CSPG4: variants seen among roughly 807,000 people sequenced by gnomAD.
CSPG4 encodes chondroitin sulfate proteoglycan 4 (melanoma-associated).
A neutral mutation model predicts 139.3 loss-of-function variants in CSPG4; 74 were observed. The ratio of observed to expected loss-of-function variants is 0.53; its 90% CI spans 0.44 to 0.64. The LOEUF (loss-of-function observed/expected upper bound fraction) is 0.64, where lower values mean the gene tolerates loss of function less well. Ranked by LOEUF, CSPG4 falls within the 30% of genes least tolerant of loss-of-function variation. CSPG4 has a pLI of 0.00. For missense variants in CSPG4, 2,565 were observed against 3,148.3 expected, an observed-to-expected ratio of 0.81 and a Z score of 4.43; for synonymous variants, 1,234 against 1,394.2, an observed-to-expected ratio of 0.89 and a Z score of 2.56.
chr15:75,701,824 C>T (rs943927641), intron 1 of CSPG4, among the ~76,000 whole-genome samples: 1 of 152,210 alleles, frequency 6.6e-6, no homozygotes, highest in African/African-American at 2.4e-5. Flanking sequence ...CTACAGCTGG[C>T]TCGCCAGCCC....
intron 8 of CSPG4, chr15:75,680,481 G>A (rs181738572): frequency 1.8e-4 from 27 of 152,402 alleles, no homozygotes; most frequent in Admixed American, 5.9e-4. Flanking sequence ...AAATAAACAC[G>A]TCTGTGGGCC....
Position 75,687,650 on chromosome 15 carries a change from G to A in CSPG4, c.3415C>T (p.Gln1139Ter). Reference protein sequence around the residue: ...VANGSSLVVPQGGQGTIDTAV... With the variant: ...VANGSSLVVP ...GTGTCGATGGTGCCCTGGCCTCCTTGAGGGACCACAAGGCTGGAGCCGTTG... is the reference window on the plus strand; with the variant it reads ...GTGTCGATGGTGCCCTGGCCTCCTTAAGGGACCACAAGGCTGGAGCCGTTG... Residue 1139 changes from glutamine (Q) to a stop codon, truncating the protein, a stop_gained, in exon 3 of 10, where the codon CAA (glutamine) becomes TAA (stop). Transcript: ENST00000308508. LOFTEE classifies it high-confidence loss of function. The surrounding 1 kb of genome is among the most constrained non-coding windows in gnomAD (Gnocchi z 5.4). The A allele has an allele frequency of 6.2e-7, 1 of 1,612,864 alleles. No homozygotes were observed. Among genetic ancestry groups the A allele is most frequent in the Non-Finnish European group, 8.5e-7 (1 of 1,179,936 alleles).
At chr15:75,677,578 TC>T in intron 9 of CSPG4, 124 bp downstream of exon 9, 1 of 1,258,172 alleles carries the variant, frequency 7.9e-7, no homozygotes, top group Non-Finnish European at 1.1e-6. Context: ...CCACTCACCC[TC>T]CCTGTGACTT....
chr15:75,692,685 C>T (rs1315756901), intron 2 of CSPG4, among the ~76,000 whole-genome samples: 1 of 152,148 alleles, frequency 6.6e-6, no homozygotes, highest in African/African-American at 2.4e-5. Flanking sequence ...GGGATGCCCA[C>T]ACTGAGACTT....
At chr15:75,708,201 ATG>A (rs1894398697) in intron 1 of CSPG4, among the ~76,000 whole-genome samples, 1 of 13,536 alleles carries the variant, frequency 7.4e-5, no homozygotes, top group African/African-American at 3.7e-4. Flanking sequence ...TGGCTAACGC[ATG>A]CATGCCAGGG....
intron 1 of CSPG4, among the ~76,000 whole-genome samples, chr15:75,693,993 C>T (rs1218098516): frequency 2.6e-5 from 4 of 152,250 alleles, no homozygotes; most frequent in Non-Finnish European, 4.4e-5. Flanking sequence ...CTTGCTATTG[C>T]TTCCTGCTGG....
In CSPG4 at chr15:75,682,432, G is replaced by C; in HGVS notation, c.4811C>G (p.Thr1604Ser). ...GCCTGCGCTGGAGCTGGCCCTGAGG[G>C]TCTGACTGCTGAGTGGCTGGACGGA... is the stretch of plus-strand genomic sequence containing the variant. ...PGSVQPLSSQ[T>S]LRASSSAGTD... The change falls in exon 8 of 10, where the codon ACC becomes AGC. Residue 1604 changes from threonine (T) to serine (S), a missense_variant. Thr to Ser is a moderately conservative substitution (Grantham distance 58, BLOSUM62 1). Coordinates refer to ENST00000308508, the MANE Select transcript of CSPG4 (RefSeq NM_001897.5). 1.9e-6 allele frequency: 3 copies of C among 1,588,586 alleles called. No individual in the cohort carries two copies. Among genetic ancestry groups the C allele is most frequent in the Non-Finnish European group, 2.6e-6 (3 of 1,174,306 alleles).
At chr15:75,683,114 C>T (rs1174398896) in intron 5 of CSPG4, 73 bp from the exon 6 acceptor site, 1 of 1,434,268 alleles carries the variant, frequency 7.0e-7, no homozygotes, top group African/African-American at 1.4e-5. Context: ...CCTGGGCTGC[C>T]ACCAGGGCTC....
At chr15:75,678,831 G>A (rs1893929504) in intron 8 of CSPG4, 1 of 455,928 alleles carries the variant, frequency 2.2e-6, no homozygotes, top group African/African-American at 2.0e-5. Context: ...GGCACCAGAG[G>A]CCTCCGTGTT....
Position 75,688,843 on chromosome 15 carries a change from A to G in CSPG4, c.2222T>C (p.Val741Ala). 6.2e-7 allele frequency: 1 copy of G among 1,612,554 alleles called. No homozygotes were observed. The highest frequency in any genetic ancestry group is 8.5e-7 in the Non-Finnish European group (1 of 1,179,976). Residue 741 changes from valine (V) to alanine (A), a missense_variant, in exon 3 of 10, where the codon GTG becomes GCG. Around this residue, in one of 5 missense-constraint regions of CSPG4, gnomAD observed 2,316 missense variants for 2,818.2 expected, o/e 0.82. Coordinates refer to ENST00000308508, the MANE Select transcript of CSPG4 (RefSeq NM_001897.5). ...FHQRDVEQGR[V>A]RYLSTDPQHH... is the part of the protein sequence containing the mutation. ...CTGTGGGTCAGTGCTCAGGTACCTC[A>G]CGCGGCCCTGCTCCACATCCCGCTG...
intron 8 of CSPG4, among the ~76,000 whole-genome samples, chr15:75,681,909 C>T (rs766891292): frequency 3.9e-5 from 6 of 152,214 alleles, no homozygotes; most frequent in East Asian, 1.9e-4. Context: ...CGCTGCTTCA[C>T]GTCCAACTCC....
intron 1 of CSPG4, among the ~76,000 whole-genome samples, chr15:75,707,553 A>G (rs1318123583): frequency 6.6e-6 from 1 of 152,164 alleles, no homozygotes; most frequent in Non-Finnish European, 1.5e-5. Flanking sequence ...GGGGCAGGAG[A>G]GGCCACACAG....
rs1044641804 is a variant in CSPG4, at chr15:75,690,450, G to A, written c.615C>T (p.Gly205=). ...EFSASDDVAL[G]FSGPHSLAAF... is the part of the protein sequence containing the mutation. ...CAGCCAGAGAGTGGGGCCCAGAGAA[G>A]CCCAGGGCCACATCATCACTGGCAG... Residue 205 remains glycine (G), a synonymous_variant, in exon 3 of 10, where the codon GGC becomes GGT. Coordinates refer to ENST00000308508, the MANE Select transcript of CSPG4 (RefSeq NM_001897.5). The A allele has an allele frequency of 3.7e-6, 6 of 1,607,564 alleles. No homozygotes were observed. Among genetic ancestry groups the A allele is most frequent in the Non-Finnish European group, 5.1e-6 (6 of 1,177,332 alleles).
In CSPG4 at chr15:75,690,564, C is replaced by T; in HGVS notation, c.501G>A (p.Arg167=). The T allele has an allele frequency of 6.2e-7, 1 of 1,608,626 alleles. No homozygotes were observed. The highest frequency in any genetic ancestry group is 1.1e-5 in the South Asian group (1 of 90,774). The change falls in exon 3 of 10, where the codon AGG becomes AGA. Residue 167 remains arginine, a synonymous_variant. Transcript: ENST00000308508. ...PYLRGTSRPL[R]GCLHAATLNG... is the part of the protein sequence containing the mutation. ...TGAGGGTGGCTGCATGGAGGCAACC[C>T]CTCAGGGGTCGGCTGGTTCCCCTCA...
chr15:75,682,441 CT>C lies in CSPG4; in HGVS notation c.4801del (p.Ser1601AlafsTer28). The part of the protein sequence containing the change: ...TVCPGSVQPL[S>X]SQTLRASSSA... ...GGAGCTGGCCCTGAGGGTCTGACTG[CT>C]GAGTGGCTGGACGGACCCTGCCAGA... On this transcript the variant is annotated frameshift_variant, in exon 8 of 10. Coordinates refer to ENST00000308508, the MANE Select transcript of CSPG4 (RefSeq NM_001897.5). LOFTEE classifies it high-confidence loss of function. The C allele has an allele frequency of 1.3e-6, 2 of 1,585,356 alleles. No individual in the cohort carries two copies. The highest frequency in any genetic ancestry group is 8.5e-7 in the Non-Finnish European group (1 of 1,172,214).
At chr15:75,699,741 A>G (rs922130365) in intron 1 of CSPG4, among the ~76,000 whole-genome samples, 2 of 152,262 alleles carry the variant, frequency 1.3e-5, no homozygotes, top group Non-Finnish European at 1.5e-5. Context: ...CGGGGCCTCA[A>G]TGGTGTCTTT....
At position 75,677,322 on chromosome 15, in the gene CSPG4, G is replaced by T. The variant is rs1322967091; in HGVS notation, c.5197C>A (p.Leu1733Ile). 7.7e-6 allele frequency: 11 copies of T among 1,424,772 alleles called. No homozygotes were observed. The highest frequency in any genetic ancestry group is 2.9e-5 in the African/African-American group (2 of 68,704). 88.3% of individuals were successfully genotyped at this position (1,424,772 alleles called of 1,614,324 possible). The change falls in exon 10 of 10, where the codon CTC (leucine) becomes ATC (isoleucine). Residue 1733 changes from leucine (L) to isoleucine (I), a missense_variant. Transcript: ENST00000308508. ...ITVAALDASN[L>I]LASVPSPQRS... ...TGGGGTGATGGAACGCTGGCCAAGA[G>T]ATTGGAGGCATCCAGAGCAGCCACG...
Position 75,677,815 on chromosome 15 carries a change from T to C in CSPG4, c.5022A>G (p.Leu1674=), listed in dbSNP as rs1263899768. 1 of 1,612,122 alleles carries C rather than the reference T, an allele frequency of 6.2e-7. No individual in the cohort carries two copies. Among genetic ancestry groups the C allele is most frequent in the Non-Finnish European group, 8.5e-7 (1 of 1,179,128 alleles). ...PEPFWEAHDT[L]ELQLSSPPAR... Reference sequence around the variant, plus strand: ...CAGGCGGCGAGGACAGCTGGAGCTCTAGGGTATCATGGGCCTCCCAAAAGG... The same window carrying C: ...CAGGCGGCGAGGACAGCTGGAGCTCCAGGGTATCATGGGCCTCCCAAAAGG... The change falls in exon 9 of 10, where the codon CTA becomes CTG. Residue 1674 remains leucine, a synonymous_variant. Coordinates refer to ENST00000308508, the MANE Select transcript of CSPG4 (RefSeq NM_001897.5).
chr15:75,686,889 G>A (rs1336720314), intron 3 of CSPG4, among the ~76,000 whole-genome samples: 4 of 152,176 alleles, frequency 2.6e-5, no homozygotes, highest in Admixed American at 6.5e-5. Context: ...GAGGAGTAGC[G>A]GCCTGTCTCC....
Sources: gnomAD v4.1 joint callset for allele counts (sites outside exome capture counted in the v4.1 genomes callset) on GRCh38, gnomAD v4.1.1 for gene constraint, gnomAD v4.1.1 regional missense constraint, Gnocchi (gnomAD v3.1) non-coding constraint, MANE v1.5 for transcripts, NCBI Gene and HGNC (gene_info 2026-07-23, HGNC 2026-07-21) for gene names.